Variants in PAK3 observed in about 807,000 individuals in gnomAD.
The protein encoded by PAK3 is p21 (RAC1) activated kinase 3, also known as serine/threonine-protein kinase PAK 3.
Under a neutral mutation model 41.0 loss-of-function variants are expected in PAK3, and 4 were observed. That is an observed-to-expected ratio of 0.10 (90% CI 0.05 to 0.22). The LOEUF is 0.22. Among genes scored for constraint, PAK3 ranks in the 10% least tolerant of loss-of-function variants. PAK3 has a pLI of 1.00. For missense variants in PAK3, 205 were observed against 409.9 expected, an observed-to-expected ratio of 0.50 and a Z score of 4.32; for synonymous variants, 146 against 139.6, an observed-to-expected ratio of 1.05 and a Z score of -0.32.
chrX:111,014,812 T>C (rs1409770568), intron 1 of PAK3, among the ~76,000 whole-genome samples: 1 of 111,571 alleles, frequency 9.0e-6, no homozygotes, highest in East Asian at 2.8e-4. Flanking sequence ...GGCTTCCTTG[T>C]TCCGCAGGGA....
chrX:111,143,452 A>T (rs771941285), intron 6 of PAK3, among the ~76,000 whole-genome samples: 1 of 111,480 alleles, frequency 9.0e-6, no homozygotes, highest in Non-Finnish European at 1.9e-5. Flanking sequence ...TAGCAAGCAG[A>T]GGAGAACGTT....
At chrX:111,007,255 T>A (rs754164775) in intron 1 of PAK3, among the ~76,000 whole-genome samples, 9 of 111,290 alleles carry the variant, frequency 8.1e-5, no homozygotes, top group African/African-American at 2.9e-4. Context: ...ATTCAGAAAG[T>A]CTGCAGTGGG....
intron 1 of PAK3, among the ~76,000 whole-genome samples, chrX:111,054,397 GA>G (rs759464165): frequency 8.9e-6 from 1 of 112,447 alleles, no homozygotes; most frequent in Non-Finnish European, 1.9e-5. Flanking sequence ...CCAATCAAAT[GA>G]TTTTTAAAAG....
intron 1 of PAK3, among the ~76,000 whole-genome samples, chrX:111,033,353 C>T (rs192251204): frequency 3.2e-4 from 36 of 111,853 alleles, no homozygotes; most frequent in South Asian, 1.5e-3. Context: ...CAAACACACA[C>T]GCAGGTATTC....
chrX:111,067,076 C>CAGATT (rs1167389870), intron 1 of PAK3, among the ~76,000 whole-genome samples: 1 of 111,808 alleles, frequency 8.9e-6, no homozygotes, highest in Non-Finnish European at 1.9e-5. Flanking sequence ...TTGACTACCT[C>CAGATT]AGATTTTTAT....
intron 16 of PAK3, among the ~76,000 whole-genome samples, chrX:111,197,712 A>G (rs371556050): frequency 1.8e-5 from 2 of 109,455 alleles, no homozygotes; most frequent in African/African-American, 6.7e-5. Context: ...TTTTTTTGAG[A>G]CAGAGTCTTG....
intron 11 of PAK3, among the ~76,000 whole-genome samples, chrX:111,182,341 C>G (rs1470656857): frequency 9.1e-6 from 1 of 109,953 alleles, no homozygotes; most frequent in African/African-American, 3.3e-5. Flanking sequence ...TGTGTTACAG[C>G]TCTCTTTAAA....
chrX:111,184,011 T>C (rs2094485350), intron 11 of PAK3, among the ~76,000 whole-genome samples: 1 of 111,680 alleles, frequency 9.0e-6, no homozygotes, highest in Non-Finnish European at 1.9e-5. Context: ...GTTACTTACT[T>C]GCTATGTTAT....
At chrX:110,959,076 G>A (rs755577042) in intron 1 of PAK3, among the ~76,000 whole-genome samples, 14 of 112,106 alleles carry the variant, frequency 1.2e-4, no homozygotes, top group South Asian at 3.7e-4. Context: ...ACATACGTTT[G>A]CTCTGCAGAA....
At chrX:111,182,124 G>A (rs894951061) in intron 11 of PAK3, among the ~76,000 whole-genome samples, 11 of 111,552 alleles carry the variant, frequency 9.9e-5, no homozygotes, top group African/African-American at 3.6e-4. Context: ...TCCAGCCACA[G>A]TAATGAGCTT....
At chrX:110,955,687 A>T (rs189117449) in intron 1 of PAK3, among the ~76,000 whole-genome samples, 24 of 112,068 alleles carry the variant, frequency 2.1e-4, no homozygotes, top group African/African-American at 7.1e-4. Context: ...CGGTCTTGTA[A>T]GGCCTCAATT....
chrX:111,121,306 C>T (rs1234916331), intron 4 of PAK3, among the ~76,000 whole-genome samples: 1 of 111,466 alleles, frequency 9.0e-6, no homozygotes, highest in African/African-American at 3.3e-5. Context: ...TGACACTTAG[C>T]AAAACAAAAG....
chrX:111,005,345 C>T (rs1337870526), intron 1 of PAK3, among the ~76,000 whole-genome samples: 1 of 111,536 alleles, frequency 9.0e-6, no homozygotes, highest in African/African-American at 3.3e-5. Flanking sequence ...TCAGACCCTC[C>T]AGGCTTTCCC....
intron 16 of PAK3, among the ~76,000 whole-genome samples, chrX:111,212,917 G>A (rs180961387): frequency 8.9e-6 from 1 of 112,234 alleles, no homozygotes; most frequent in Admixed American, 9.4e-5. Context: ...AAATTGGTGT[G>A]TTTCAGCCTT....
Position 110,953,443 on chromosome X carries a change from T to C in PAK3, c.-28+8815T>C, listed in dbSNP as rs554176067. Reference sequence around the variant, plus strand: ...GCATTCTCCTCTCCAAAGTCAATGTTTGCTTTGTGACAGAATCACTTGGGG... The same window carrying C: ...GCATTCTCCTCTCCAAAGTCAATGTCTGCTTTGTGACAGAATCACTTGGGG... On this transcript the variant is annotated intron_variant, in intron 1 of 14. Transcript: ENST00000425146. Among the ~76,000 whole-genome samples the C allele has an allele frequency of 1.4e-4, 16 of 112,321 alleles. No homozygotes were observed. In the South Asian group the frequency reaches 3.7e-3, roughly 26 times the overall value.
chrX:110,951,224 T>C, intron 1 of PAK3, among the ~76,000 whole-genome samples: 1 of 112,272 alleles, frequency 8.9e-6, no homozygotes, highest in Non-Finnish European at 1.9e-5. Context: ...TTTTGGATAG[T>C]AACCATTTAA....
intron 1 of PAK3, among the ~76,000 whole-genome samples, chrX:111,036,894 T>C (rs2092404664): frequency 8.9e-6 from 1 of 112,147 alleles, no homozygotes; most frequent in South Asian, 3.7e-4. Context: ...ATTCCTCCTT[T>C]AGATATTGTT....
intron 1 of PAK3, among the ~76,000 whole-genome samples, chrX:110,977,101 G>A (rs2091352452): frequency 9.1e-6 from 1 of 110,385 alleles, no homozygotes; most frequent in Non-Finnish European, 1.9e-5. Context: ...AGAACTTAGA[G>A]TATAATAAAA....
At chrX:110,944,710 G>T (rs2090571712) in intron 1 of PAK3, 1 of 112,441 alleles carries the variant, frequency 8.9e-6, no homozygotes, top group Non-Finnish European at 1.9e-5. Context: ...CGGGGCGGGA[G>T]GGATGGTAGA....
Sources: allele counts gnomAD v4.1 joint callset (sites outside exome capture counted in the v4.1 genomes callset), GRCh38; gene constraint gnomAD v4.1.1; transcripts MANE v1.5; gene names NCBI Gene and HGNC (gene_info 2026-07-23, HGNC 2026-07-21).